TMCC3: variants seen among roughly 807,000 people sequenced by gnomAD.
TMCC3 encodes the protein transmembrane and coiled-coil domain protein 3.
In TMCC3, 28 loss-of-function variants were observed where a neutral mutation model predicts 40.2. The ratio of observed to expected loss-of-function variants is 0.70; its 90% CI spans 0.52 to 0.95. The LOEUF (loss-of-function observed/expected upper bound fraction) is 0.95, where lower values mean the gene tolerates loss of function less well. Ranked by LOEUF, TMCC3 falls within the 40% of genes least tolerant of loss-of-function variation. The pLI is 0.00. For synonymous variants in TMCC3, 255 were observed against 248.5 expected (o/e 1.03, Z -0.25); for missense variants, 554 against 615.2 (o/e 0.90, Z 1.05).
chr12:94,578,312 T>C (rs1204922594), intron 3 of TMCC3, 82 bp downstream of exon 3: 2 of 1,500,880 alleles, frequency 1.3e-6, no homozygotes, highest in East Asian at 4.6e-5. Flanking sequence ...CTCTAGGACT[T>C]AGGCATAAAC....
intron 1 of TMCC3, among the ~76,000 whole-genome samples, chr12:94,614,225 A>G (rs1220933848): frequency 6.6e-6 from 1 of 152,024 alleles, no homozygotes. Context: ...TCTATACTTA[A>G]CTCGTTGGGT....
chr12:94,576,683 A>G (rs1166386008), intron 3 of TMCC3, among the ~76,000 whole-genome samples: 1 of 152,058 alleles, frequency 6.6e-6, no homozygotes, highest in Non-Finnish European at 1.5e-5. Flanking sequence ...GGGTCTCACT[A>G]TGTTGCCCAG....
chr12:94,634,416 TTA>T (rs2068949646), intron 1 of TMCC3, among the ~76,000 whole-genome samples: 1 of 151,040 alleles, frequency 6.6e-6, no homozygotes, highest in Non-Finnish European at 1.5e-5. Flanking sequence ...AAACAAAAGT[TTA>T]AAAAAAAAAA....
chr12:94,584,149 G>A (rs978844564), intron 1 of TMCC3, among the ~76,000 whole-genome samples: 1 of 152,138 alleles, frequency 6.6e-6, no homozygotes, highest in Non-Finnish European at 1.5e-5. Context: ...TGTTGGAGGT[G>A]AGGCCTGGTG....
chr12:94,589,227 C>G (rs532316895), intron 1 of TMCC3, among the ~76,000 whole-genome samples: 1 of 152,166 alleles, frequency 6.6e-6, no homozygotes, highest in Non-Finnish European at 1.5e-5. Context: ...AGCTCAGGGA[C>G]GCCAAAAGAT....
chr12:94,645,222 A>G (rs1380059655), intron 1 of TMCC3, among the ~76,000 whole-genome samples: 1 of 152,256 alleles, frequency 6.6e-6, no homozygotes, highest in African/African-American at 2.4e-5. Context: ...GTTTATAAAT[A>G]CATGTAAGCA....
In TMCC3 at chr12:94,629,628, C is replaced by T. The variant is rs1051479348; in HGVS notation, c.78+20725G>A. 5.3e-5 allele frequency among the ~76,000 whole-genome samples: 8 copies of T among 152,130 alleles called. No individual in the cohort carries two copies. The South Asian group carries it at 8.3e-4, about 16-fold the overall frequency. ...CTACCCTGCTTCTAATTGGCCCTGTCGGAGAAGAAAGCCAGGGGAGAATTC... is the reference window on the plus strand; with the variant it reads ...CTACCCTGCTTCTAATTGGCCCTGTTGGAGAAGAAAGCCAGGGGAGAATTC... On this transcript the variant is annotated intron_variant, in intron 1 of 3. Coordinates refer to ENST00000261226, the MANE Select transcript of TMCC3 (RefSeq NM_020698.4).
intron 1 of TMCC3, among the ~76,000 whole-genome samples, chr12:94,592,916 GCC>G (rs2068687568): frequency 6.6e-6 from 1 of 152,064 alleles, no homozygotes; most frequent in Admixed American, 6.5e-5. Context: ...ATTATCTTCG[GCC>G]AGGCGCGGTG....
At chr12:94,608,764 C>A (rs12426730) in intron 1 of TMCC3, among the ~76,000 whole-genome samples, 10,706 of 152,218 alleles carry the variant, frequency 0.07, 395 homozygotes, top group South Asian at 0.14. Context: ...GGTCATTTTA[C>A]CTAACTCACT....
intron 1 of TMCC3, among the ~76,000 whole-genome samples, chr12:94,627,097 A>G (rs1007594118): frequency 6.6e-6 from 1 of 152,004 alleles, no homozygotes; most frequent in Non-Finnish European, 1.5e-5. Context: ...CCTGACCTCA[A>G]GTGATCTGCC....
At chr12:94,615,050 G>C (rs567962816) in intron 1 of TMCC3, among the ~76,000 whole-genome samples, 1 of 152,084 alleles carries the variant, frequency 6.6e-6, no homozygotes, top group Admixed American at 6.5e-5. Flanking sequence ...CTGAAGACTG[G>C]GGATCACTAT....
At chr12:94,580,610 G>A (rs908910009) in intron 2 of TMCC3, among the ~76,000 whole-genome samples, 11 of 151,884 alleles carry the variant, frequency 7.2e-5, no homozygotes, top group African/African-American at 1.9e-4. Context: ...TGGTGGGTGC[G>A]TATAATCCCA....
intron 1 of TMCC3, among the ~76,000 whole-genome samples, chr12:94,586,992 C>T (rs2138832107): frequency 6.6e-6 from 1 of 152,340 alleles, no homozygotes; most frequent in Admixed American, 6.5e-5. Flanking sequence ...CTAGCTAGCA[C>T]TGCATGGGAT....
Position 94,650,540 on chromosome 12 carries a change from G to A in TMCC3, c.-110C>T. 1.1e-6 allele frequency: 1 copy of A among 908,402 alleles called. No individual in the cohort carries two copies. The highest frequency in any genetic ancestry group is 1.4e-6 in the Non-Finnish European group (1 of 705,888). The allele number at this position is 908,402 out of a possible 1,614,324, so 56.3% of individuals were successfully genotyped here. Reference sequence around the variant, plus strand: ...CCGCGGGCGAGGGGGCGGCGCGGCTGCTGCAGCTGTTGCCTCTGGTGCCAA... The same window carrying A: ...CCGCGGGCGAGGGGGCGGCGCGGCTACTGCAGCTGTTGCCTCTGGTGCCAA... On this transcript the variant is annotated 5_prime_UTR_variant, in exon 1 of 4. Transcript: ENST00000261226.
chr12:94,583,674 G>A (rs755792633), intron 1 of TMCC3, among the ~76,000 whole-genome samples: 61 of 152,196 alleles, frequency 4.0e-4, no homozygotes, highest in Non-Finnish European at 7.3e-4. Flanking sequence ...CCATATCCCA[G>A]GGTCTATGGA....
intron 1 of TMCC3, among the ~76,000 whole-genome samples, chr12:94,615,327 G>A (rs896614784): frequency 1.3e-5 from 2 of 152,128 alleles, no homozygotes; most frequent in East Asian, 1.9e-4. Flanking sequence ...AGCATGGTCC[G>A]AGGAGGCCCA....
intron 1 of TMCC3, among the ~76,000 whole-genome samples, chr12:94,601,808 CAAAAAAAAAAAAAAAAAA>C (rs61372290): frequency 5.2e-5 from 4 of 76,732 alleles, no homozygotes; most frequent in Non-Finnish European, 2.1e-5. Context: ...GACCTGGTCT[CAAAAAAAAAAAAAAAAAA>C]AAAAAAAAAA....
chr12:94,614,439 C>CTT (rs2068835934), intron 1 of TMCC3, among the ~76,000 whole-genome samples: 4 of 152,154 alleles, frequency 2.6e-5, no homozygotes, highest in African/African-American at 9.7e-5. Flanking sequence ...ACCTCCTCTC[C>CTT]ATAAACTGAC....
chr12:94,595,828 T>C (rs536403539), intron 1 of TMCC3, among the ~76,000 whole-genome samples: 1 of 151,338 alleles, frequency 6.6e-6, no homozygotes, highest in Non-Finnish European at 1.5e-5. Context: ...AAGCTGCCTT[T>C]AGTTGTATCA....
Sources: allele counts gnomAD v4.1 joint callset (sites outside exome capture counted in the v4.1 genomes callset), GRCh38; gene constraint gnomAD v4.1.1; transcripts MANE v1.5; gene names NCBI Gene and HGNC (gene_info 2026-07-23, HGNC 2026-07-21).